Variants in CUX1 observed in about 807,000 individuals in gnomAD.
The protein encoded by CUX1 is protein CASP.
Under a neutral mutation model 158.8 loss-of-function variants are expected in CUX1, and 31 were observed. The ratio of observed to expected loss-of-function variants is 0.20; its 90% CI spans 0.15 to 0.26. CUX1 has a LOEUF of 0.26. Ranked by LOEUF, CUX1 falls within the 10% of genes least tolerant of loss-of-function variation. The pLI is 1.00. For missense variants in CUX1, 1,589 were observed against 2,014.6 expected (o/e 0.79, Z 4.04); for synonymous variants, 879 against 862.1 (o/e 1.02, Z -0.34).
At chr7:101,950,584 T>A (rs1808945292) in intron 2 of CUX1, among the ~76,000 whole-genome samples, 1 of 152,360 alleles carries the variant, frequency 6.6e-6, no homozygotes, top group Middle Eastern at 3.4e-3. Context: ...TAAATAAAGT[T>A]TTATTGGCAC....
intron 4 of CUX1, among the ~76,000 whole-genome samples, chr7:102,096,018 T>C (rs1221475415): frequency 6.6e-6 from 1 of 152,278 alleles, no homozygotes; most frequent in African/African-American, 2.4e-5. Flanking sequence ...GAGTTTGTAC[T>C]GTAAATTCCA....
intron 2 of CUX1, among the ~76,000 whole-genome samples, chr7:101,956,092 G>A (rs1809743267): frequency 8.1e-6 from 1 of 124,222 alleles, no homozygotes; most frequent in African/African-American, 3.0e-5. Context: ...TGAGGCAGGA[G>A]AATGGCGTGA....
At chr7:101,885,801 G>C (rs1441547522) in intron 1 of CUX1, among the ~76,000 whole-genome samples, 1 of 152,210 alleles carries the variant, frequency 6.6e-6, no homozygotes, top group Admixed American at 6.5e-5. Context: ...CTGTTGGCTT[G>C]AAGGAATAAC....
At chr7:101,904,998 T>C (rs570010505) in intron 1 of CUX1, among the ~76,000 whole-genome samples, 1 of 152,312 alleles carries the variant, frequency 6.6e-6, no homozygotes, top group Admixed American at 6.5e-5. Flanking sequence ...TTAATCCTCA[T>C]AGCAGCTCTA....
At chr7:102,127,769 C>G (rs1261017525) in intron 8 of CUX1, among the ~76,000 whole-genome samples, 2 of 152,132 alleles carry the variant, frequency 1.3e-5, no homozygotes, top group African/African-American at 4.8e-5. Context: ...ATCTGGGGAG[C>G]TTTGTCCCTG....
chr7:102,278,474 C>T (rs1313565558), intron 18 of CUX1, among the ~76,000 whole-genome samples: 3 of 151,936 alleles, frequency 2.0e-5, no homozygotes, highest in Admixed American at 6.6e-5. Flanking sequence ...CACCTGTAGT[C>T]CCAGCTACTC....
chr7:102,178,951 G>A lies in CUX1; in HGVS notation c.1017+294G>A, dbSNP rs1249445903. Among the ~76,000 whole-genome samples the A allele has an allele frequency of 4.6e-5, 7 of 152,058 alleles. No individual in the cohort carries two copies. In the East Asian group the frequency reaches 7.7e-4, roughly 17 times the overall value. On this transcript the variant is annotated intron_variant, in intron 11 of 23. Transcript: ENST00000292535. ...GCAATCTCGGCTCACTGCAGCCTCC[G>A]CCTCCCAGGTTCAAGTGATTCTCCT...
chr7:102,148,017 G>A (rs1355407017), intron 8 of CUX1, among the ~76,000 whole-genome samples: 24 of 152,254 alleles, frequency 1.6e-4, no homozygotes, highest in Admixed American at 6.5e-5. Context: ...TGCATATTTG[G>A]TCAACCAGTA....
chr7:102,038,165 C>T (rs1489635216), intron 3 of CUX1, among the ~76,000 whole-genome samples: 1 of 152,078 alleles, frequency 6.6e-6, no homozygotes, highest in African/African-American at 2.4e-5. Flanking sequence ...CTGTTGGAAA[C>T]TTGCCATAAT....
intron 1 of CUX1, among the ~76,000 whole-genome samples, chr7:101,871,421 T>C (rs1342874200): frequency 1.3e-5 from 2 of 151,282 alleles, no homozygotes; most frequent in South Asian, 2.1e-4. Context: ...CTGTGTCCTG[T>C]TGGTAGAAGA....
In CUX1 at chr7:102,250,349, C is replaced by G; in HGVS notation, c.*1307C>G. ...AGTAGATAGCAGTCTACGGATCTCTCTCTGGCACAGAAGGCACCTCACCTC... is the reference window on the plus strand; with the variant it reads ...AGTAGATAGCAGTCTACGGATCTCTGTCTGGCACAGAAGGCACCTCACCTC... On this transcript the variant is annotated 3_prime_UTR_variant, in exon 24 of 24. Transcript: ENST00000292535. The G allele has an allele frequency of 1.0e-6, 1 of 985,542 alleles. No individual in the cohort carries two copies. The highest frequency in any genetic ancestry group is 4.7e-5 in the South Asian group (1 of 21,288). The allele number at this position is 985,542 out of a possible 1,614,324, so 61.0% of individuals were successfully genotyped here. A position where few individuals can be genotyped will look rare whatever the true frequency, so the allele number is the denominator to read the frequency against.
At chr7:101,857,140 A>C (rs1584779531) in intron 1 of CUX1, among the ~76,000 whole-genome samples, 1 of 151,182 alleles carries the variant, frequency 6.6e-6, no homozygotes, top group African/African-American at 2.4e-5. Flanking sequence ...TCCTGCCCTT[A>C]CCCCGCCCGG....
intron 6 of CUX1, among the ~76,000 whole-genome samples, chr7:102,107,107 G>A (rs1830437627): frequency 6.6e-6 from 1 of 152,112 alleles, no homozygotes; most frequent in Admixed American, 6.6e-5. Flanking sequence ...GTCAGCATGT[G>A]CCTATAGTCT....
intron 2 of CUX1, among the ~76,000 whole-genome samples, chr7:101,933,941 T>C (rs1806594970): frequency 6.6e-6 from 1 of 152,358 alleles, no homozygotes; most frequent in Middle Eastern, 3.4e-3. Flanking sequence ...AAAGCGATGT[T>C]TGGATATTTT....
chr7:102,148,702 T>TAA (rs1554502767), intron 8 of CUX1, among the ~76,000 whole-genome samples: 1 of 148,186 alleles, frequency 6.7e-6, no homozygotes, highest in Non-Finnish European at 1.5e-5. Context: ...TATATATATA[T>TAA]AATATATTAA....
At chr7:102,230,092 C>G (rs997918093) in intron 21 of CUX1, among the ~76,000 whole-genome samples, 2 of 152,150 alleles carry the variant, frequency 1.3e-5, no homozygotes, top group African/African-American at 2.4e-5. Context: ...TAAGCACAAC[C>G]CTACCGAGTG....
intron 3 of CUX1, among the ~76,000 whole-genome samples, chr7:102,070,115 G>C (rs766285616): frequency 1.1e-4 from 17 of 152,168 alleles, no homozygotes; most frequent in Non-Finnish European, 2.2e-4. Flanking sequence ...GTTCCCTGCT[G>C]TATAGTGAAT....
At chr7:101,938,371 T>A (rs1807203814) in intron 2 of CUX1, among the ~76,000 whole-genome samples, 1 of 152,168 alleles carries the variant, frequency 6.6e-6, no homozygotes, top group Non-Finnish European at 1.5e-5. Flanking sequence ...CCTCCCAAAG[T>A]GCTGTAGTTA....
chr7:102,137,493 G>T (rs868909572), intron 8 of CUX1, among the ~76,000 whole-genome samples: 1 of 152,056 alleles, frequency 6.6e-6, no homozygotes, highest in South Asian at 2.1e-4. Context: ...AAAATTAGCC[G>T]GGCGTGGTGG....
Sources: gnomAD v4.1 joint callset for allele counts (sites outside exome capture counted in the v4.1 genomes callset) on GRCh38, gnomAD v4.1.1 for gene constraint, MANE v1.5 for transcripts, NCBI Gene and HGNC (gene_info 2026-07-23, HGNC 2026-07-21) for gene names.